KBTBD12: variants seen among roughly 807,000 people sequenced by gnomAD.
The protein encoded by KBTBD12 is kelch repeat and BTB domain-containing protein 12.
In KBTBD12, 53 loss-of-function variants were observed where a neutral mutation model predicts 58.7. The ratio of observed to expected loss-of-function variants is 0.90; its 90% confidence interval spans 0.72 to 1.14. The LOEUF (loss-of-function observed/expected upper bound fraction) is 1.14. Ranked by LOEUF, KBTBD12 falls within the 50% of genes most tolerant of loss-of-function variation. KBTBD12 has a pLI of 0.00. For synonymous variants in KBTBD12, 236 were observed against 259.8 expected (o/e 0.91, Z 0.88); for missense variants, 704 against 751.3 (o/e 0.94, Z 0.74).
rs1275097472 is a variant in KBTBD12, at chr3:127,921,032, G to A, written c.-112-1918G>A. The stretch of plus-strand genomic sequence containing the variant: ...CTTAGGAGCTGTGTCTATACCCACA[G>A]TGGTTTGTATATGTACCCAAATATT... On this transcript the variant is annotated intron_variant, in intron 1 of 5. Coordinates refer to ENST00000405109, the MANE Select transcript of KBTBD12 (RefSeq NM_207335.4). Among the ~76,000 whole-genome samples, 3 of 152,058 alleles carry A rather than the reference G, an allele frequency of 2.0e-5. No individual in the cohort carries two copies. The East Asian group carries it at 5.8e-4, about 29-fold the overall frequency.
At chr3:127,978,808 A>T (rs1446562952) in intron 5 of KBTBD12, among the ~76,000 whole-genome samples, 1 of 152,170 alleles carries the variant, frequency 6.6e-6, no homozygotes, top group East Asian at 1.9e-4. Flanking sequence ...ATGCATGTTC[A>T]TGGAAAGTGT....
rs149201179 is a variant in KBTBD12, at chr3:127,930,877, A to G, written c.1492+594A>G. On this transcript the variant is annotated intron_variant, in intron 4 of 5. Coordinates refer to ENST00000405109, the MANE Select transcript of KBTBD12 (RefSeq NM_207335.4). ...TAAGATGGGTAAAAACAATTCCACA[A>G]CATCCCCTATGTATCCCCTATCCTT... Among the ~76,000 whole-genome samples, 916 of 152,264 alleles carry G rather than the reference A, an allele frequency of 6.0e-3. 10 individuals are homozygous for G. Among genetic ancestry groups the G allele is most frequent in the African/African-American group, 0.021 (865 of 41,564 alleles).
intron 5 of KBTBD12, among the ~76,000 whole-genome samples, chr3:127,978,835 T>C (rs1940828402): frequency 6.6e-6 from 1 of 152,150 alleles, no homozygotes; most frequent in Non-Finnish European, 1.5e-5. Context: ...GAGCAAAGAA[T>C]CCAAAGCTCC....
At chr3:127,952,777 G>T (rs1046040756) in intron 4 of KBTBD12, among the ~76,000 whole-genome samples, 1 of 152,210 alleles carries the variant, frequency 6.6e-6, no homozygotes, top group South Asian at 2.1e-4. Context: ...GTAACAGGCA[G>T]CATCTAACCA....
chr3:127,923,117 A>T lies in KBTBD12; in HGVS notation c.56A>T (p.Asn19Ile). Residue 19 changes from asparagine to isoleucine, a missense_variant, in exon 2 of 6, where the codon AAT (asparagine) becomes ATT (isoleucine). By Grantham distance (149) the Asn-to-Ile change is moderately radical. Transcript: ENST00000405109. ...EKYQHSLNLL[N>I]KIQNMKELAE... ...TACCAACATAGCTTGAATTTACTGA[A>T]TAAAATTCAGAACATGAAAGAATTA... 3 of 1,612,474 alleles carry T rather than the reference A, an allele frequency of 1.9e-6. No homozygotes were observed. The highest frequency in any genetic ancestry group is 2.5e-6 in the Non-Finnish European group (3 of 1,178,654).
At position 127,984,725 on chromosome 3, in the gene KBTBD12, G is replaced by A. The variant is rs982534798; in HGVS notation, c.*447G>A. 6.5e-6 allele frequency: 1 copy of A among 153,598 alleles called. No homozygotes were observed. The highest frequency in any genetic ancestry group is 2.4e-5 in the African/African-American group (1 of 41,468). 9.5% of individuals were successfully genotyped at this position (153,598 alleles called of 1,614,324 possible). ...GTGCCTGTCTGCAGTATCCTGGCTG[G>A]GCCAGATTGCCTGGGGCACAGGGTT... On this transcript the variant is annotated 3_prime_UTR_variant, in exon 6 of 6. Transcript: ENST00000405109.
Position 127,942,148 on chromosome 3 carries a change from A to G in KBTBD12, c.1492+11865A>G, listed in dbSNP as rs1318386001. 5.3e-5 allele frequency among the ~76,000 whole-genome samples: 8 copies of G among 152,320 alleles called. No homozygotes were observed. In the South Asian group the frequency reaches 1.5e-3, roughly 28 times the overall value. ...ATAAAGGGGTTTAGTGTAGTCAGCA[A>G]ATACAAAAGGTCAATCATTTACTTT... On this transcript the variant is annotated intron_variant, in intron 4 of 5. Transcript: ENST00000405109.
In KBTBD12 at chr3:127,927,938, T is replaced by C; in HGVS notation, c.1245T>C (p.Asn415=). The change falls in exon 3 of 6, where the codon AAT becomes AAC. Residue 415 remains asparagine, a synonymous_variant. Coordinates refer to ENST00000405109, the MANE Select transcript of KBTBD12 (RefSeq NM_207335.4). ...ATAAGTACTCTGTAGAACGGGACAA[T>C]TGGAAAAGGGTGTCTCCCCTTCCAC... ...CVDKYSVERD[N]WKRVSPLPLQ... is the part of the protein sequence containing the mutation. 1 of 1,613,368 alleles carries C rather than the reference T, an allele frequency of 6.2e-7. No individual in the cohort carries two copies. Among genetic ancestry groups the C allele is most frequent in the Non-Finnish European group, 8.5e-7 (1 of 1,179,468 alleles).
rs1940985601 is a variant in KBTBD12, at chr3:127,987,152, T to C, written c.*2874T>C. ...GGAAGCAGGCATCAAGGGCAGGATT[T>C]CTCAAACTTCTTCTGAGGAATCCCC... On this transcript the variant is annotated 3_prime_UTR_variant, in exon 6 of 6. Transcript: ENST00000405109. The C allele has an allele frequency of 6.6e-6, 1 of 152,260 alleles. No individual in the cohort carries two copies. The highest frequency in any genetic ancestry group is 2.1e-4 in the South Asian group (1 of 4,832). The allele number at this position is 152,260 out of a possible 1,614,324, so 9.4% of individuals were successfully genotyped here. A position where few individuals can be genotyped will look rare whatever the true frequency, so the allele number is the denominator to read the frequency against.
chr3:127,924,137 T>C lies in KBTBD12; in HGVS notation c.1070+6T>C. On this transcript the variant is annotated splice_donor_region_variant and intron_variant, in intron 2 of 5. Transcript: ENST00000405109. ...AAGAATGTTGAAATTTATAGGTTTG[T>C]ATCTAGCAGCAAATTTGCTTAATTA... The C allele has an allele frequency of 3.2e-6, 5 of 1,556,812 alleles. No individual in the cohort carries two copies. The South Asian group carries it at 5.8e-5, about 18-fold the overall frequency.
rs141681372 is a variant in KBTBD12, at chr3:127,924,346, A to G, written c.1070+215A>G. 1.6e-3 allele frequency among the ~76,000 whole-genome samples: 243 copies of G among 148,464 alleles called. 1 individual carries two copies. The highest frequency in any genetic ancestry group is 5.6e-3 in the African/African-American group (229 of 40,930). On this transcript the variant is annotated intron_variant, in intron 2 of 5. Transcript: ENST00000405109. The stretch of plus-strand genomic sequence containing the variant: ...TATATAATCTATAACTCATAAATAT[A>G]GCATATATAAAAATATATAAATATA...
intron 4 of KBTBD12, among the ~76,000 whole-genome samples, chr3:127,931,895 T>C (rs1424594586): frequency 6.6e-6 from 1 of 151,934 alleles, no homozygotes; most frequent in East Asian, 1.9e-4. Context: ...AGAAGGTAAA[T>C]GAGTCCACCA....
At chr3:127,979,939 A>G (rs1940845528) in intron 5 of KBTBD12, among the ~76,000 whole-genome samples, 1 of 152,246 alleles carries the variant, frequency 6.6e-6, no homozygotes, top group Admixed American at 6.5e-5. Flanking sequence ...ATTCAGTGAA[A>G]GGGTAGTCAA....
chr3:127,963,552 T>G (rs1163998153), intron 5 of KBTBD12, 166 bp downstream of exon 5: 3 of 614,086 alleles, frequency 4.9e-6, no homozygotes, highest in Non-Finnish European at 8.2e-6. Flanking sequence ...GGGTTTCACA[T>G]GGACAAAGTG....
At chr3:127,936,840 C>T (rs1002143747) in intron 4 of KBTBD12, among the ~76,000 whole-genome samples, 1 of 152,108 alleles carries the variant, frequency 6.6e-6, no homozygotes, top group African/African-American at 2.4e-5. Context: ...AAAGAAACAT[C>T]TTGGCATTGA....
intron 5 of KBTBD12, chr3:127,963,602 A>C: frequency 2.0e-6 from 1 of 489,202 alleles, no homozygotes; most frequent in Non-Finnish European, 3.5e-6. Flanking sequence ...AATTAAATGG[A>C]ATCTAGTTTA....
chr3:127,964,470 TAAA>T (rs59832982), intron 5 of KBTBD12, among the ~76,000 whole-genome samples: 1 of 142,228 alleles, frequency 7.0e-6, no homozygotes. Flanking sequence ...CATCTCTACT[TAAA>T]AAAAAAAAAA....
At chr3:127,945,158 A>G (rs1477610509) in intron 4 of KBTBD12, among the ~76,000 whole-genome samples, 2 of 77,466 alleles carry the variant, frequency 2.6e-5, no homozygotes, top group Admixed American at 1.4e-4. Context: ...TAAAAATAGT[A>G]GCTATCTTTT....
chr3:127,948,061 T>C (rs142135583), intron 4 of KBTBD12, among the ~76,000 whole-genome samples: 5 of 152,376 alleles, frequency 3.3e-5, no homozygotes, highest in Non-Finnish European at 7.3e-5. Context: ...TTTAGACACA[T>C]TTCTTTTTGT....
Sources: gnomAD v4.1 joint callset for allele counts (sites outside exome capture counted in the v4.1 genomes callset) on GRCh38, gnomAD v4.1.1 for gene constraint, MANE v1.5 for transcripts, NCBI Gene and HGNC (gene_info 2026-07-23, HGNC 2026-07-21) for gene names.